SAXO1: variants seen among roughly 807,000 people sequenced by gnomAD.
SAXO1 encodes the protein 4930500O09Rik.
In SAXO1, 21 loss-of-function variants were observed where a neutral mutation model predicts 17.5. That is an observed-to-expected ratio of 1.20 (90% CI 0.85 to 1.72). The LOEUF is 1.72. Among genes scored for constraint, SAXO1 ranks in the 40% most tolerant of loss-of-function variants. SAXO1 has a pLI of 0.00. For synonymous variants in SAXO1, 274 were observed against 216.5 expected (o/e 1.27, Z -2.33); for missense variants, 843 against 596.0 (o/e 1.41, Z -4.32).
chr9:19,042,582 G>A (rs775686344), intron 1 of SAXO1, among the ~76,000 whole-genome samples: 4 of 152,210 alleles, frequency 2.6e-5, no homozygotes, highest in Non-Finnish European at 5.9e-5. Context: ...GAAAATGTGG[G>A]CCAGGTGCAG....
chr9:19,016,577 G>C (rs761113032), intron 1 of SAXO1, among the ~76,000 whole-genome samples: 1 of 152,108 alleles, frequency 6.6e-6, no homozygotes, highest in Admixed American at 6.5e-5. Context: ...ATTGTCAAAA[G>C]TGGGGTAGGT....
Position 19,041,882 on chromosome 9 carries a change from G to T in SAXO1, c.-158+7327C>A, listed in dbSNP as rs111497427. Among the ~76,000 whole-genome samples, 63 of 152,164 alleles carry T rather than the reference G, an allele frequency of 4.1e-4. 1 individual carries two copies. Among genetic ancestry groups the T allele is most frequent in the African/African-American group, 1.4e-3 (57 of 41,516 alleles). On this transcript the variant is annotated intron_variant, in intron 1 of 3. Transcript: ENST00000542071. The stretch of plus-strand genomic sequence containing the variant: ...GAAAACTCTCCAGAACATTGGTCTG[G>T]ACAAAAACTTCTTGAGTAATACCCC...
At chr9:19,001,354 G>A (rs572308387) in intron 1 of SAXO1, among the ~76,000 whole-genome samples, 150 of 152,212 alleles carry the variant, frequency 9.9e-4, no homozygotes, top group Non-Finnish European at 1.3e-3. Flanking sequence ...GGTACATAAC[G>A]AAATGAAGGC....
In SAXO1 at chr9:18,933,854, G is replaced by A. The variant is rs1476112970; in HGVS notation, c.422-4799C>T. 5.9e-5 allele frequency among the ~76,000 whole-genome samples: 9 copies of A among 152,216 alleles called. No homozygotes were observed. In the South Asian group the frequency reaches 1.0e-3, roughly 18 times the overall value. The stretch of plus-strand genomic sequence containing the variant: ...GAGGTCAGGAGATCAAGACCATCCT[G>A]GCCAACATGGTGAAACCCTGTCTCT... On this transcript the variant is annotated intron_variant, in intron 3 of 3. Coordinates refer to ENST00000380534, the MANE Select transcript of SAXO1 (RefSeq NM_153707.4).
At position 18,928,456 on chromosome 9, in the gene SAXO1, T is replaced by G. The variant is rs748123867; in HGVS notation, c.1021A>C (p.Lys341Gln). ...CTGGACCACTGCTTGTAGTCATCCTTGGTGGTGGAAGAGCCTTCAAAGCGA... is the reference window on the plus strand; with the variant it reads ...CTGGACCACTGCTTGTAGTCATCCTGGGTGGTGGAAGAGCCTTCAAAGCGA... ...CGRFEGSSTT[K>Q]DDYKQWSSMR... The change falls in exon 4 of 4, where the codon AAG becomes CAG. Residue 341 changes from lysine to glutamine, a missense_variant. Transcript: ENST00000380534. 3 of 1,610,946 alleles carry G rather than the reference T, an allele frequency of 1.9e-6. No homozygotes were observed. The African/African-American group carries it at 4.0e-5, about 22-fold the overall frequency.
intron 1 of SAXO1, among the ~76,000 whole-genome samples, chr9:19,020,501 A>G (rs1015720511): frequency 2.0e-5 from 3 of 151,992 alleles, no homozygotes; most frequent in African/African-American, 7.3e-5. Flanking sequence ...ACAGGCACGC[A>G]CCACCATAAC....
intron 2 of SAXO1, among the ~76,000 whole-genome samples, chr9:18,943,836 G>T (rs1050780973): frequency 1.3e-5 from 2 of 152,204 alleles, no homozygotes; most frequent in Admixed American, 6.5e-5. Context: ...AGCATCTAGG[G>T]ATGCTTTCCA....
intron 1 of SAXO1, among the ~76,000 whole-genome samples, chr9:18,998,902 T>C (rs151069586): frequency 0.11 from 17,010 of 152,198 alleles, 981 homozygotes; most frequent in Middle Eastern, 0.13. Flanking sequence ...AGAAAGCAAA[T>C]GCTGAGAGAT....
intron 1 of SAXO1, among the ~76,000 whole-genome samples, chr9:19,010,741 G>A (rs1834697580): frequency 6.6e-6 from 1 of 152,152 alleles, no homozygotes; most frequent in Admixed American, 6.6e-5. Context: ...AATCAAGAAG[G>A]TATACAACAG....
intron 1 of SAXO1, among the ~76,000 whole-genome samples, chr9:19,014,323 G>A (rs1364052366): frequency 4.0e-5 from 6 of 151,748 alleles, no homozygotes; most frequent in South Asian, 2.1e-4. Flanking sequence ...TTAGCTGGGC[G>A]TGGGGGTGGG....
chr9:18,980,001 G>C (rs1009625962), intron 1 of SAXO1, among the ~76,000 whole-genome samples: 11 of 152,176 alleles, frequency 7.2e-5, no homozygotes, highest in Non-Finnish European at 1.3e-4. Context: ...TGAAAGGAAG[G>C]GAAACAGAGC....
At chr9:18,987,101 T>C (rs983126509) in intron 1 of SAXO1, among the ~76,000 whole-genome samples, 1 of 152,090 alleles carries the variant, frequency 6.6e-6, no homozygotes, top group Non-Finnish European at 1.5e-5. Context: ...GTTTATTAAA[T>C]AAACAAAAAA....
chr9:18,958,217 G>T (rs887884919), intron 1 of SAXO1, among the ~76,000 whole-genome samples: 1 of 152,046 alleles, frequency 6.6e-6, no homozygotes, highest in African/African-American at 2.4e-5. Flanking sequence ...TGAGGTCAGG[G>T]GTTCGAGACT....
intron 1 of SAXO1, among the ~76,000 whole-genome samples, chr9:19,043,456 G>A (rs1274330482): frequency 1.3e-5 from 2 of 151,834 alleles, no homozygotes; most frequent in Non-Finnish European, 2.9e-5. Flanking sequence ...ACAAAAAGTA[G>A]TTAGAAAGAA....
At position 18,949,687 on chromosome 9, in the gene SAXO1, G is replaced by C. The variant is rs201726284; in HGVS notation, c.218+1071C>G. Reference sequence around the variant, plus strand: ...AGAGCACCTCCAACTCACAGTCTCAGATGTTTCCAGTCCTATTCTGGAGAA... The same window carrying C: ...AGAGCACCTCCAACTCACAGTCTCACATGTTTCCAGTCCTATTCTGGAGAA... On this transcript the variant is annotated intron_variant, in intron 2 of 3. Coordinates refer to ENST00000380534, the MANE Select transcript of SAXO1 (RefSeq NM_153707.4). 7.4e-5 allele frequency among the ~76,000 whole-genome samples: 10 copies of C among 134,736 alleles called. No individual in the cohort carries two copies. In the East Asian group the frequency reaches 1.5e-3, roughly 20 times the overall value. 88.4% of individuals were successfully genotyped at this position (134,736 alleles called of 152,430 possible).
Position 18,950,885 on chromosome 9 carries a change from G to A in SAXO1, c.91C>T (p.Pro31Ser). Residue 31 changes from proline to serine, a missense_variant, in exon 2 of 4, where the codon CCA becomes TCA. Transcript: ENST00000380534. ...PTKIYDKTEK[P>S]CLLSEYTENY... ...TCGGTATATTCGGAGAGAAGACATG[G>A]TTTCTCTGTTTTATCATAAATCTTG... 1.2e-6 allele frequency: 2 copies of A among 1,613,270 alleles called. No individual in the cohort carries two copies. The highest frequency in any genetic ancestry group is 1.7e-6 in the Non-Finnish European group (2 of 1,179,598).
In SAXO1 at chr9:18,979,400, G is replaced by C. The variant is rs566551406; in HGVS notation, c.39-28463C>G. Among the ~76,000 whole-genome samples the C allele has an allele frequency of 2.6e-5, 4 of 152,332 alleles. No individual in the cohort carries two copies. In the South Asian group the frequency reaches 6.2e-4, roughly 24 times the overall value. The stretch of plus-strand genomic sequence containing the variant: ...GCCTTTGTGAGGAAATTTCACCAGA[G>C]CTGAGAATGGGTCAGATTTTACACC... On this transcript the variant is annotated intron_variant, in intron 1 of 3. Transcript: ENST00000380534.
At chr9:19,000,189 G>C (rs1250531513) in intron 1 of SAXO1, among the ~76,000 whole-genome samples, 2 of 151,774 alleles carry the variant, frequency 1.3e-5, no homozygotes, top group African/African-American at 2.4e-5. Context: ...TCTGGGAAGT[G>C]AGGAGCGCCT....
chr9:19,018,858 C>T (rs1014138330), intron 1 of SAXO1, among the ~76,000 whole-genome samples: 3 of 152,128 alleles, frequency 2.0e-5, no homozygotes, highest in African/African-American at 7.2e-5. Context: ...ACCTGTAATC[C>T]CAGCACTTTG....
Sources: allele counts gnomAD v4.1 joint callset (sites outside exome capture counted in the v4.1 genomes callset), GRCh38; gene constraint gnomAD v4.1.1; transcripts MANE v1.5; gene names NCBI Gene and HGNC (gene_info 2026-07-23, HGNC 2026-07-21).